Variants in CENPP observed in about 807,000 individuals in gnomAD.
The protein encoded by CENPP is centromere protein P.
CENPP carries 24 observed loss-of-function variants against 35.6 expected under a neutral mutation model. That is an observed-to-expected ratio of 0.67 (90% confidence interval 0.49 to 0.95). The LOEUF (loss-of-function observed/expected upper bound fraction) is 0.95, where lower values mean the gene tolerates loss of function less well. Among genes scored for constraint, CENPP ranks in the 40% least tolerant of loss-of-function variants. The probability of loss-of-function intolerance (pLI) is 0.00; values close to 1 mark genes in which losing one functional copy is unlikely to be tolerated. For missense variants in CENPP, 332 were observed against 345.3 expected, an observed-to-expected ratio of 0.96 and a Z score of 0.31; for synonymous variants, 120 against 125.5, an observed-to-expected ratio of 0.96 and a Z score of 0.29.
chr9:92,344,529 A>G (rs1841222760), intron 3 of CENPP, among the ~76,000 whole-genome samples: 1 of 151,826 alleles, frequency 6.6e-6, no homozygotes. Context: ...TCACAAGTTT[A>G]TTATTTATTT....
At position 92,581,623 on chromosome 9, in the gene CENPP, A is replaced by G. The variant is rs577990624; in HGVS notation, c.565-29691A>G. On this transcript the variant is annotated intron_variant, in intron 5 of 7. Coordinates refer to ENST00000375587, the MANE Select transcript of CENPP (RefSeq NM_001012267.3). ...TGTCTTTCAGAATGAAAGTGAAATA[A>G]AGAGAATGTTAGATTAAATAGAAAC... 4.6e-5 allele frequency among the ~76,000 whole-genome samples: 7 copies of G among 152,326 alleles called. No homozygotes were observed. In the South Asian group the frequency reaches 1.4e-3, roughly 32 times the overall value.
chr9:92,422,210 C>A (rs1843826158), intron 5 of CENPP, among the ~76,000 whole-genome samples: 1 of 152,080 alleles, frequency 6.6e-6, no homozygotes, highest in South Asian at 2.1e-4. Flanking sequence ...ACCACCACGA[C>A]TGGCTACATT....
At chr9:92,536,035 G>A in intron 5 of CENPP, 1 of 505,056 alleles carries the variant, frequency 2.0e-6, no homozygotes, top group Non-Finnish European at 3.9e-6. Flanking sequence ...AAGGACAGAA[G>A]GGAATGTTGA....
In CENPP at chr9:92,337,645, T is replaced by C. The variant is rs762338827; in HGVS notation, c.378+16T>C. ...GGAAATTCAGGTAAATTAAGAAGCA[T>C]GTTGTGATAACAGAGATACTTCTGC... is the stretch of plus-strand genomic sequence containing the variant. On this transcript the variant is annotated intron_variant, in intron 3 of 7. Transcript: ENST00000375587. 16 of 1,448,464 alleles carry C rather than the reference T, an allele frequency of 1.1e-5. No individual in the cohort carries two copies. The East Asian group carries it at 3.4e-4, about 31-fold the overall frequency. 89.7% of individuals were successfully genotyped at this position (1,448,464 alleles called of 1,614,324 possible). A position where few individuals can be genotyped will look rare whatever the true frequency, so the allele number is the denominator to read the frequency against.
intron 5 of CENPP, among the ~76,000 whole-genome samples, chr9:92,383,252 G>A (rs980738625): frequency 6.6e-6 from 1 of 152,096 alleles, no homozygotes; most frequent in Non-Finnish European, 1.5e-5. Flanking sequence ...TAGGAAATGT[G>A]AGTCTTCTAT....
chr9:92,584,024 G>A (rs1850489107), intron 5 of CENPP, among the ~76,000 whole-genome samples: 2 of 152,178 alleles, frequency 1.3e-5, no homozygotes, highest in Non-Finnish European at 2.9e-5. Flanking sequence ...TGTGCTGTCT[G>A]TCAAATATAA....
chr9:92,417,565 T>C lies in CENPP; in HGVS notation c.564+37706T>C, dbSNP rs550647246. On this transcript the variant is annotated intron_variant, in intron 5 of 7. Transcript: ENST00000375587. ...TTGGACTTAAAAAACCCATCTTCTT[T>C]TTTTTTTTCCTATTGCAAGGAGAAA... 4.5e-5 allele frequency: 69 copies of C among 1,532,286 alleles called. 3 individuals are homozygous for C. The South Asian group carries it at 8.6e-4, about 19-fold the overall frequency. The allele number at this position is 1,532,286 out of a possible 1,614,324, so 94.9% of individuals were successfully genotyped here.
chr9:92,385,853 A>G, intron 5 of CENPP: 2 of 1,543,904 alleles, frequency 1.3e-6, no homozygotes, highest in Non-Finnish European at 1.8e-6. Flanking sequence ...ATGCTATATA[A>G]TGGGTAAAGG....
chr9:92,597,038 T>C lies in CENPP; in HGVS notation c.565-14276T>C, dbSNP rs567914164. 1.8e-4 allele frequency among the ~76,000 whole-genome samples: 27 copies of C among 152,328 alleles called. No individual in the cohort carries two copies. In the South Asian group the frequency reaches 5.2e-3, roughly 29 times the overall value. Reference sequence around the variant, plus strand: ...GAATTATGCTGCTACAAATTGATTGTGATAAAACTTGACCTGTATACTGCA... The same window carrying C: ...GAATTATGCTGCTACAAATTGATTGCGATAAAACTTGACCTGTATACTGCA... On this transcript the variant is annotated intron_variant, in intron 5 of 7. Transcript: ENST00000375587.
chr9:92,571,746 C>G (rs563091942), intron 5 of CENPP, among the ~76,000 whole-genome samples: 2 of 152,162 alleles, frequency 1.3e-5, no homozygotes, highest in East Asian at 1.9e-4. Context: ...AGGGCTTGCT[C>G]TATGAATCTG....
chr9:92,530,553 C>T (rs1848683796), intron 5 of CENPP, among the ~76,000 whole-genome samples: 1 of 151,918 alleles, frequency 6.6e-6, no homozygotes. Flanking sequence ...AATAATTTGC[C>T]TTGTTTGTCC....
At chr9:92,552,194 C>CACACAA (rs1564000425) in intron 5 of CENPP, among the ~76,000 whole-genome samples, 3 of 141,002 alleles carry the variant, frequency 2.1e-5, no homozygotes, top group Non-Finnish European at 1.5e-5. Context: ...ATCATATACA[C>CACACAA]ACACACACAC....
At position 92,517,685 on chromosome 9, in the gene CENPP, A is replaced by G. The variant is rs1847811434; in HGVS notation, c.565-93629A>G. The stretch of plus-strand genomic sequence containing the variant: ...ATATTTTGCTTAGCTAAATCTCTGT[A>G]CCAGTAGCGGAGCAGACCGGGCAGC... On this transcript the variant is annotated intron_variant, in intron 5 of 7. Transcript: ENST00000375587. 9 of 1,614,214 alleles carry G rather than the reference A, an allele frequency of 5.6e-6. No individual in the cohort carries two copies. The East Asian group carries it at 2.0e-4, about 36-fold the overall frequency.
intron 5 of CENPP, chr9:92,500,977 G>A: frequency 6.2e-7 from 1 of 1,614,176 alleles, no homozygotes; most frequent in Non-Finnish European, 8.5e-7. Flanking sequence ...AGGAGTACTA[G>A]GTGCAGCAAG....
rs1247466699 is a variant in CENPP, at chr9:92,618,912, G to A, written c.*5763G>A. 2 of 310,952 alleles carry A rather than the reference G, an allele frequency of 6.4e-6. No homozygotes were observed. Among genetic ancestry groups the A allele is most frequent in the African/African-American group, 2.2e-5 (1 of 46,150 alleles). 19.3% of individuals were successfully genotyped at this position (310,952 alleles called of 1,614,324 possible). ...TTAGCACCCCTGAAGATCGGTGATGGAGATGCTGTCTAACGACTATGAGAT... is the reference window on the plus strand; with the variant it reads ...TTAGCACCCCTGAAGATCGGTGATGAAGATGCTGTCTAACGACTATGAGAT... On this transcript the variant is annotated 3_prime_UTR_variant, in exon 8 of 8. Transcript: ENST00000375587.
chr9:92,541,523 G>A (rs552671988), intron 5 of CENPP, among the ~76,000 whole-genome samples: 2 of 150,288 alleles, frequency 1.3e-5, no homozygotes, highest in Non-Finnish European at 3.0e-5. Flanking sequence ...ACTGTGCCTG[G>A]CTAATTTGAG....
At chr9:92,573,035 A>C (rs771852582) in intron 5 of CENPP, among the ~76,000 whole-genome samples, 5 of 152,140 alleles carry the variant, frequency 3.3e-5, no homozygotes, top group African/African-American at 7.2e-5. Flanking sequence ...GATGGGTTCG[A>C]ACATCCTCCT....
At chr9:92,474,976 T>A in intron 5 of CENPP, 2 of 1,449,760 alleles carry the variant, frequency 1.4e-6, no homozygotes, top group Non-Finnish European at 1.8e-6. Context: ...TTCCTGCATA[T>A]ATACATTTCT....
Position 92,599,669 on chromosome 9 carries a change from G to A in CENPP, c.565-11645G>A, listed in dbSNP as rs549463457. Among the ~76,000 whole-genome samples, 4 of 152,138 alleles carry A rather than the reference G, an allele frequency of 2.6e-5. No homozygotes were observed. The East Asian group carries it at 5.8e-4, about 22-fold the overall frequency. ...TGACCTGACGTGGTCCACCTGCCTC[G>A]GCCTCCCAGAGTGCTGGGATTACAG... On this transcript the variant is annotated intron_variant, in intron 5 of 7. Coordinates refer to ENST00000375587, the MANE Select transcript of CENPP (RefSeq NM_001012267.3).
Sources: allele counts gnomAD v4.1 joint callset (sites outside exome capture counted in the v4.1 genomes callset), GRCh38; gene constraint gnomAD v4.1.1; transcripts MANE v1.5; gene names NCBI Gene and HGNC (gene_info 2026-07-23, HGNC 2026-07-21).